Variants in USP34 observed in about 807,000 individuals in gnomAD.
USP34 encodes the protein ubiquitin carboxyl-terminal hydrolase 34.
A neutral mutation model predicts 460.3 loss-of-function variants in USP34; 70 were observed. The observed-to-expected ratio is 0.15, with a 90% CI of 0.13 to 0.19. The LOEUF (loss-of-function observed/expected upper bound fraction) is 0.19. Among genes scored for constraint, USP34 ranks in the 10% least tolerant of loss-of-function variants. The pLI, the probability that USP34 is intolerant of heterozygous loss-of-function variation, is 1.00. For missense variants in USP34, 3,985 were observed against 4,236.2 expected (o/e 0.94, Z 1.65); for synonymous variants, 1,647 against 1,405.3 (o/e 1.17, Z -3.85).
chr2:61,223,351 G>A lies in USP34; in HGVS notation c.7596-55C>T. On this transcript the variant is annotated intron_variant, in intron 62 of 79. Coordinates refer to ENST00000398571, the MANE Select transcript of USP34 (RefSeq NM_014709.4). ...TTTCTTCCTTCTGTATTACTTTACAGCGATTTACAACATGTATCAAAAATT... is the reference window on the plus strand; with the variant it reads ...TTTCTTCCTTCTGTATTACTTTACAACGATTTACAACATGTATCAAAAATT... The A allele has an allele frequency of 1.4e-5, 21 of 1,524,128 alleles. No homozygotes were observed. The South Asian group carries it at 1.9e-4, about 14-fold the overall frequency. The allele number at this position is 1,524,128 out of a possible 1,614,324, so 94.4% of individuals were successfully genotyped here. A position where few individuals can be genotyped will look rare whatever the true frequency, so the allele number is the denominator to read the frequency against.
At chr2:61,283,690 C>T (rs902325367) in intron 35 of USP34, among the ~76,000 whole-genome samples, 2 of 152,030 alleles carry the variant, frequency 1.3e-5, no homozygotes, top group African/African-American at 4.8e-5. Flanking sequence ...GATCATGGCT[C>T]ACTGCAGCCT....
At chr2:61,262,474 T>C (rs1320002727) in intron 43 of USP34, among the ~76,000 whole-genome samples, 2 of 152,184 alleles carry the variant, frequency 1.3e-5, no homozygotes, top group East Asian at 1.9e-4. Flanking sequence ...CTTAGGATAA[T>C]GGCCTCCAGT....
At chr2:61,262,182 CTT>C (rs537665771) in intron 43 of USP34, among the ~76,000 whole-genome samples, 1 of 131,072 alleles carries the variant, frequency 7.6e-6, no homozygotes. Flanking sequence ...CACAGGTCTC[CTT>C]TTTTTTTTTA....
intron 76 of USP34, among the ~76,000 whole-genome samples, chr2:61,191,875 A>G (rs577625695): frequency 1.3e-5 from 2 of 152,348 alleles, no homozygotes; most frequent in South Asian, 4.1e-4. Flanking sequence ...TCAACTGATA[A>G]AAGTCATTTT....
chr2:61,381,835 T>C (rs1192757432), intron 6 of USP34, among the ~76,000 whole-genome samples: 2 of 152,148 alleles, frequency 1.3e-5, no homozygotes, highest in Non-Finnish European at 2.9e-5. Flanking sequence ...AAGTTCATAC[T>C]CCCAATTTGC....
chr2:61,206,533 T>G (rs955099276), intron 71 of USP34, among the ~76,000 whole-genome samples: 1 of 152,240 alleles, frequency 6.6e-6, no homozygotes, highest in Non-Finnish European at 1.5e-5. Context: ...CTCTGAAATC[T>G]TGATACCTGC....
chr2:61,377,491 G>A (rs1692831773), intron 8 of USP34, among the ~76,000 whole-genome samples: 1 of 151,966 alleles, frequency 6.6e-6, no homozygotes. Context: ...TTGGAAATGG[G>A]GCCTTTGGGA....
chr2:61,433,874 AC>A (rs1694743412), intron 1 of USP34, among the ~76,000 whole-genome samples: 1 of 152,136 alleles, frequency 6.6e-6, no homozygotes, highest in African/African-American at 2.4e-5. Context: ...CCTCTGCAGC[AC>A]TTCAGCTCCA....
intron 10 of USP34, among the ~76,000 whole-genome samples, chr2:61,353,575 G>GT (rs577248922): frequency 0.035 from 2,726 of 78,732 alleles, 42 homozygotes; most frequent in Middle Eastern, 0.072. Flanking sequence ...TTTTGTTTTT[G>GT]TTTTTTTTGT....
intron 1 of USP34, among the ~76,000 whole-genome samples, chr2:61,431,187 C>G (rs1694666612): frequency 6.6e-6 from 1 of 152,066 alleles, no homozygotes; most frequent in African/African-American, 2.4e-5. Flanking sequence ...TGCAGGATGA[C>G]TATTTTTTTG....
At chr2:61,205,917 C>G in intron 72 of USP34, 100 bp downstream of exon 72, 1 of 881,026 alleles carries the variant, frequency 1.1e-6, no homozygotes, top group South Asian at 1.7e-5. Context: ...ATAAAAAGCA[C>G]AAGTATCTTT....
intron 16 of USP34, among the ~76,000 whole-genome samples, chr2:61,341,755 CTTTTTTTTTT>C (rs896288474): frequency 6.8e-4 from 62 of 91,730 alleles, no homozygotes; most frequent in African/African-American, 2.3e-3. Flanking sequence ...TCAGGTCTTT[CTTTTTTTTTT>C]TTTTTTTTTT....
At chr2:61,251,442 G>A (rs530221421) in intron 48 of USP34, among the ~76,000 whole-genome samples, 2 of 152,286 alleles carry the variant, frequency 1.3e-5, no homozygotes, top group South Asian at 4.1e-4. Context: ...GTCTACTAAA[G>A]ATTACACATA....
In USP34 at chr2:61,349,296, A is replaced by AG. The variant is rs749012494; in HGVS notation, c.1508-12dup. The AG allele has an allele frequency of 1.2e-6, 2 of 1,612,302 alleles. No homozygotes were observed. The highest frequency in any genetic ancestry group is 4.5e-5 in the East Asian group (2 of 44,780). ...TAAGCTCTTCTTCCTCTGAAGGAAA[A>AG]GGAAAAAACAGGAGAAAAACATTCT... On this transcript the variant is annotated splice_polypyrimidine_tract_variant and intron_variant, in intron 12 of 79. Coordinates refer to ENST00000398571, the MANE Select transcript of USP34 (RefSeq NM_014709.4).
intron 1 of USP34, among the ~76,000 whole-genome samples, chr2:61,427,931 G>A (rs1425575817): frequency 1.4e-4 from 21 of 152,238 alleles, no homozygotes; most frequent in Non-Finnish European, 1.5e-5. Flanking sequence ...GGATGGCTGA[G>A]GGAGGCAGAT....
intron 78 of USP34, chr2:61,189,342 G>A (rs553124622): frequency 4.4e-5 from 11 of 248,416 alleles, no homozygotes; most frequent in South Asian, 8.4e-5. Flanking sequence ...GTGTAATCTC[G>A]GCTCGCTGCA....
chr2:61,330,124 A>G lies in USP34; in HGVS notation c.2930+1152T>C, dbSNP rs376831792. Among the ~76,000 whole-genome samples, 32 of 152,332 alleles carry G rather than the reference A, an allele frequency of 2.1e-4. No individual in the cohort carries two copies. In the South Asian group the frequency reaches 6.0e-3, roughly 29 times the overall value. On this transcript the variant is annotated intron_variant, in intron 20 of 79. Transcript: ENST00000398571. ...TGTAGCATTTACAAATACAAATTCTATAACAGAAACAGACTGTCGGTACAG... is the reference window on the plus strand; with the variant it reads ...TGTAGCATTTACAAATACAAATTCTGTAACAGAAACAGACTGTCGGTACAG...
intron 1 of USP34, among the ~76,000 whole-genome samples, chr2:61,470,294 C>CGTG (rs1364501856): frequency 6.6e-6 from 1 of 152,176 alleles, no homozygotes; most frequent in Non-Finnish European, 1.5e-5. Context: ...GTCCTCCGAC[C>CGTG]CCACCTCCCC....
intron 3 of USP34, among the ~76,000 whole-genome samples, chr2:61,398,631 G>A (rs915987632): frequency 6.6e-6 from 1 of 151,292 alleles, no homozygotes; most frequent in African/African-American, 2.4e-5. Flanking sequence ...AGGGAGGAGA[G>A]AGAAAATAAC....
Sources: allele counts gnomAD v4.1 joint callset (sites outside exome capture counted in the v4.1 genomes callset), GRCh38; gene constraint gnomAD v4.1.1; transcripts MANE v1.5; gene names NCBI Gene and HGNC (gene_info 2026-07-23, HGNC 2026-07-21).